Variants in SOCS6 observed in about 807,000 individuals in gnomAD.
SOCS6 encodes STAT induced STAT inhibitor-4.
A neutral mutation model predicts 27.7 loss-of-function variants in SOCS6; 5 were observed. The ratio of observed to expected loss-of-function variants is 0.18; its 90% confidence interval spans 0.09 to 0.38. SOCS6 has a LOEUF of 0.38. Ranked by LOEUF, SOCS6 falls within the 10% of genes least tolerant of loss-of-function variation. The pLI is 1.00. For synonymous variants in SOCS6, 271 were observed against 260.0 expected (o/e 1.04, Z -0.41); for missense variants, 595 against 688.1 (o/e 0.86, Z 1.51).
intron 1 of SOCS6, among the ~76,000 whole-genome samples, chr18:70,295,301 G>A (rs2062318299): frequency 6.6e-6 from 1 of 152,210 alleles, no homozygotes; most frequent in Admixed American, 6.5e-5. Context: ...GCTCTGGGTA[G>A]CTGATTATTT....
At chr18:70,319,288 A>G (rs1236414380) in intron 1 of SOCS6, among the ~76,000 whole-genome samples, 2 of 152,242 alleles carry the variant, frequency 1.3e-5, no homozygotes, top group African/African-American at 4.8e-5. Context: ...AGGTTCAGAA[A>G]TTGACAATGC....
Position 70,324,227 on chromosome 18 carries a change from A to G in SOCS6, c.-126-316A>G, listed in dbSNP as rs903900116. ...TGAGGCAGGAGAATGGCGTGAACCC[A>G]GGAGGCAGAGCTTGCAGTGAGCCGA... On this transcript the variant is annotated intron_variant, in intron 1 of 1. Transcript: ENST00000397942. Among the ~76,000 whole-genome samples the G allele has an allele frequency of 3.4e-4, 51 of 152,130 alleles. 1 individual carries two copies. Among genetic ancestry groups the G allele is most frequent in the African/African-American group, 1.2e-3 (48 of 41,482 alleles).
In SOCS6 at chr18:70,327,112, G is replaced by A. The variant is rs1308487394; in HGVS notation, c.*836G>A. On this transcript the variant is annotated 3_prime_UTR_variant, in exon 2 of 2. Transcript: ENST00000397942. Reference sequence around the variant, plus strand: ...AATTATTATTAAAGAAATATTAGATGATCATAGCTTCCTGTGATAGCATTT... The same window carrying A: ...AATTATTATTAAAGAAATATTAGATAATCATAGCTTCCTGTGATAGCATTT... The A allele has an allele frequency of 6.0e-6, 1 of 166,876 alleles. No homozygotes were observed. Among genetic ancestry groups the A allele is most frequent in the African/African-American group, 2.4e-5 (1 of 41,426 alleles). The allele number at this position is 166,876 out of a possible 1,614,324, so 10.3% of individuals were successfully genotyped here. A position where few individuals can be genotyped will look rare whatever the true frequency, so the allele number is the denominator to read the frequency against.
At position 70,329,606 on chromosome 18, in the gene SOCS6, C is replaced by T. The variant is rs759497594; in HGVS notation, c.*3330C>T. The stretch of plus-strand genomic sequence containing the variant: ...AATCTTAATTGCTTTTCATTAAATG[C>T]GAAGTCTTAATTTCAAAATGAAATC... On this transcript the variant is annotated 3_prime_UTR_variant, in exon 2 of 2. Coordinates refer to ENST00000397942, the MANE Select transcript of SOCS6 (RefSeq NM_004232.4). The T allele has an allele frequency of 6.6e-5, 11 of 166,976 alleles. No individual in the cohort carries two copies. The highest frequency in any genetic ancestry group is 3.3e-4 in the Admixed American group (5 of 15,278). 10.3% of individuals were successfully genotyped at this position (166,976 alleles called of 1,614,324 possible).
rs757424437 is a variant in SOCS6, at chr18:70,324,786, G to C, written c.118G>C (p.Asp40His). ...GCTAGCCAGTGACTTTGGAAAAGATGATTCCTTATTTGGTAGCTGCTATGG... is the reference window on the plus strand; with the variant it reads ...GCTAGCCAGTGACTTTGGAAAAGATCATTCCTTATTTGGTAGCTGCTATGG... ...PSLASDFGKD[D>H]SLFGSCYGKD... is the part of the protein sequence containing the mutation. The change falls in exon 2 of 2, where the codon GAT becomes CAT. Residue 40 changes from aspartate (D) to histidine (H), a missense_variant. Around this residue, in one of 2 missense-constraint regions of SOCS6, gnomAD observed 467 missense variants for 481.1 expected, o/e 0.97. Transcript: ENST00000397942. The C allele has an allele frequency of 2.0e-5, 32 of 1,614,092 alleles. No homozygotes were observed. Among genetic ancestry groups the C allele is most frequent in the Middle Eastern group, 3.3e-4 (2 of 6,084 alleles).
intron 1 of SOCS6, among the ~76,000 whole-genome samples, chr18:70,310,724 T>G (rs1375857415): frequency 2.0e-5 from 3 of 152,104 alleles, no homozygotes; most frequent in African/African-American, 7.2e-5. Context: ...AAATAGTAGT[T>G]GCAATGTGGA....
intron 1 of SOCS6, among the ~76,000 whole-genome samples, chr18:70,310,969 G>A (rs2062388531): frequency 6.6e-6 from 1 of 152,172 alleles, no homozygotes. Flanking sequence ...TCCAAGTAGA[G>A]CTCTTATGAG....
rs971847705 is a variant in SOCS6, at chr18:70,324,596, C to T, written c.-73C>T. On this transcript the variant is annotated 5_prime_UTR_variant, in exon 2 of 2. The change creates a premature stop within an existing upstream ORF in the 5' untranslated region. Coordinates refer to ENST00000397942, the MANE Select transcript of SOCS6 (RefSeq NM_004232.4). ...GGAAAAATACATAGATGCAGCCTTGCAGCCTCTCCAGATGTTTGGGGATAA... is the reference window on the plus strand; with the variant it reads ...GGAAAAATACATAGATGCAGCCTTGTAGCCTCTCCAGATGTTTGGGGATAA... 2.9e-6 allele frequency: 3 copies of T among 1,018,436 alleles called. No homozygotes were observed. The highest frequency in any genetic ancestry group is 4.4e-6 in the Non-Finnish European group (3 of 686,800). 63.1% of individuals were successfully genotyped at this position (1,018,436 alleles called of 1,614,324 possible).
chr18:70,299,326 G>T (rs2097889933), intron 1 of SOCS6, among the ~76,000 whole-genome samples: 2 of 152,092 alleles, frequency 1.3e-5, no homozygotes, highest in African/African-American at 4.8e-5. Context: ...TAGATAATTT[G>T]CTGGATAAAA....
At chr18:70,300,285 C>T (rs1600151633) in intron 1 of SOCS6, among the ~76,000 whole-genome samples, 1 of 152,236 alleles carries the variant, frequency 6.6e-6, no homozygotes, top group South Asian at 2.1e-4. Flanking sequence ...CACCACCACA[C>T]CTGGTTAGTT....
intron 1 of SOCS6, among the ~76,000 whole-genome samples, chr18:70,308,117 C>T (rs374043370): frequency 5.9e-5 from 9 of 152,216 alleles, no homozygotes; most frequent in Middle Eastern, 3.4e-3. Flanking sequence ...TAGAAATATT[C>T]GGTGTTTTTC....
intron 1 of SOCS6, among the ~76,000 whole-genome samples, chr18:70,302,691 C>G (rs2062353402): frequency 6.6e-6 from 1 of 151,940 alleles, no homozygotes; most frequent in Non-Finnish European, 1.5e-5. Flanking sequence ...TCTTGAAAAG[C>G]TGGTAGGCTT....
At chr18:70,310,364 C>G (rs1004758086) in intron 1 of SOCS6, among the ~76,000 whole-genome samples, 1 of 151,278 alleles carries the variant, frequency 6.6e-6, no homozygotes, top group Non-Finnish European at 1.5e-5. Context: ...GCAGCCTTGA[C>G]CTTCCTTTCC....
intron 1 of SOCS6, among the ~76,000 whole-genome samples, chr18:70,290,810 C>T (rs2062295678): frequency 6.6e-6 from 1 of 152,162 alleles, no homozygotes; most frequent in African/African-American, 2.4e-5. Flanking sequence ...TTCTCTCTTA[C>T]CTTTATCGTT....
In SOCS6 at chr18:70,329,795, C is replaced by T. The variant is rs1600175269; in HGVS notation, c.*3519C>T. ...GTAAAGAAGGGTTTTTATAAACATTCTTTTTATTAATCAGTCATAACATGG... is the reference window on the plus strand; with the variant it reads ...GTAAAGAAGGGTTTTTATAAACATTTTTTTTATTAATCAGTCATAACATGG... On this transcript the variant is annotated 3_prime_UTR_variant, in exon 2 of 2. Coordinates refer to ENST00000397942, the MANE Select transcript of SOCS6 (RefSeq NM_004232.4). The T allele has an allele frequency of 1.2e-5, 2 of 167,032 alleles. No individual in the cohort carries two copies. Among genetic ancestry groups the T allele is most frequent in the South Asian group, 2.1e-4 (1 of 4,818 alleles). The allele number at this position is 167,032 out of a possible 1,614,324, so 10.3% of individuals were successfully genotyped here.
chr18:70,309,244 TTAAA>T (rs2062380857), intron 1 of SOCS6, among the ~76,000 whole-genome samples: 1 of 152,186 alleles, frequency 6.6e-6, no homozygotes, highest in African/African-American at 2.4e-5. Context: ...TTTTTTATCA[TTAAA>T]TAATAAAAAA....
chr18:70,324,600 C>G lies in SOCS6; in HGVS notation c.-69C>G, dbSNP rs1026061801. Reference sequence around the variant, plus strand: ...AAATACATAGATGCAGCCTTGCAGCCTCTCCAGATGTTTGGGGATAATATT... The same window carrying G: ...AAATACATAGATGCAGCCTTGCAGCGTCTCCAGATGTTTGGGGATAATATT... On this transcript the variant is annotated 5_prime_UTR_variant, in exon 2 of 2. Transcript: ENST00000397942. The G allele has an allele frequency of 9.4e-7, 1 of 1,058,256 alleles. No homozygotes were observed. Among genetic ancestry groups the G allele is most frequent in the African/African-American group, 1.6e-5 (1 of 62,766 alleles). 65.6% of individuals were successfully genotyped at this position (1,058,256 alleles called of 1,614,324 possible).
intron 1 of SOCS6, among the ~76,000 whole-genome samples, 162 bp from the exon 2 acceptor site, chr18:70,324,381 C>T (rs908973152): frequency 6.6e-6 from 1 of 151,766 alleles, no homozygotes; most frequent in Non-Finnish European, 1.5e-5. Context: ...CAGTGATCTG[C>T]TCTGCTGGGT....
intron 1 of SOCS6, among the ~76,000 whole-genome samples, chr18:70,297,391 G>A (rs1343816437): frequency 6.6e-6 from 1 of 151,824 alleles, no homozygotes. Context: ...TGTTTTGCTA[G>A]CATCAGTGAA....
Sources: allele counts gnomAD v4.1 joint callset (sites outside exome capture counted in the v4.1 genomes callset), GRCh38; gene constraint gnomAD v4.1.1; regional missense constraint gnomAD v4.1.1; transcripts MANE v1.5; gene names NCBI Gene and HGNC (gene_info 2026-07-23, HGNC 2026-07-21).